The following CARM1 variants were observed in gnomAD, a reference collection of about 807,000 sequenced individuals.
CARM1 encodes the protein coactivator associated arginine methyltransferase 1.
CARM1 carries 14 observed loss-of-function variants against 72.7 expected under a neutral mutation model. The ratio of observed to expected loss-of-function variants is 0.19; its 90% CI spans 0.13 to 0.30. The LOEUF is 0.30. Ranked by LOEUF, CARM1 falls within the 10% of genes least tolerant of loss-of-function variation. The pLI is 1.00. For missense variants in CARM1, 432 were observed against 833.7 expected, an observed-to-expected ratio of 0.52 and a Z score of 5.93; for synonymous variants, 333 against 345.5, an observed-to-expected ratio of 0.96 and a Z score of 0.40.
chr19:10,911,300 C>A (rs1336294719), intron 4 of CARM1, among the ~76,000 whole-genome samples: 2 of 152,172 alleles, frequency 1.3e-5, no homozygotes, highest in Non-Finnish European at 2.9e-5. Context: ...TGGGTCACGC[C>A]CCCCTAGCAT....
At position 10,904,950 on chromosome 19, in the gene CARM1, G is replaced by A; in HGVS notation, c.221-1G>A. On this transcript the variant is annotated splice_acceptor_variant, in intron 1 of 15. Coordinates refer to ENST00000327064, the MANE Select transcript of CARM1 (RefSeq NM_199141.2). LOFTEE classifies it high-confidence loss of function. ...TCACGCCAGCCTGTCTTCTCTCGTA[G>A]ATGAAGATGTGTGTGTCTTTAAGTG... 6.2e-7 allele frequency: 1 copy of A among 1,614,094 alleles called. No homozygotes were observed. Among genetic ancestry groups the A allele is most frequent in the Non-Finnish European group, 8.5e-7 (1 of 1,179,948 alleles).
chr19:10,888,867 C>A (rs929186330), intron 1 of CARM1, among the ~76,000 whole-genome samples: 1 of 152,210 alleles, frequency 6.6e-6, no homozygotes, highest in Non-Finnish European at 1.5e-5. Flanking sequence ...TTGTCTTGGC[C>A]TTCTATTCTT....
chr19:10,890,487 C>G (rs576481652), intron 1 of CARM1, among the ~76,000 whole-genome samples: 247 of 151,408 alleles, frequency 1.6e-3, no homozygotes, highest in Non-Finnish European at 2.6e-3. Context: ...AGACTGGTTT[C>G]AAACTCCTGA....
At chr19:10,876,908 G>A (rs374247397) in intron 1 of CARM1, among the ~76,000 whole-genome samples, 129 of 152,388 alleles carry the variant, frequency 8.5e-4, no homozygotes, top group African/African-American at 2.8e-3. Context: ...GTCAGCACGA[G>A]TCAGTGTGGC....
intron 1 of CARM1, among the ~76,000 whole-genome samples, chr19:10,885,918 A>T (rs1234346552): frequency 1.5e-5 from 2 of 134,534 alleles, no homozygotes; most frequent in Non-Finnish European, 3.2e-5. Flanking sequence ...TTTTTTTGAG[A>T]CAGGGAGTGC....
At chr19:10,898,039 T>A (rs1475477784) in intron 1 of CARM1, among the ~76,000 whole-genome samples, 4 of 133,346 alleles carry the variant, frequency 3.0e-5, no homozygotes, top group Non-Finnish European at 4.8e-5. Flanking sequence ...CCCCAGGGAG[T>A]GGAGCCTGCA....
chr19:10,873,830 G>T (rs914847586), intron 1 of CARM1, among the ~76,000 whole-genome samples: 2 of 151,288 alleles, frequency 1.3e-5, no homozygotes, highest in African/African-American at 4.9e-5. Flanking sequence ...TAGTAGAGAC[G>T]GGGTTTCACC....
In CARM1 at chr19:10,896,011, A is replaced by AG. The variant is rs1390513638; in HGVS notation, c.221-8935dup. ...CAGCGAGGTTTGGCTGGAGTGACCC[A>AG]GGGGGCAGCAGTGAGACTGCAGACA... On this transcript the variant is annotated intron_variant, in intron 1 of 15. Transcript: ENST00000327064. This position sits in a 1 kb window ranked among gnomAD's most constrained non-coding sequence, Gnocchi z 5.2. 6.6e-6 allele frequency among the ~76,000 whole-genome samples: 1 copy of AG among 152,016 alleles called. No homozygotes were observed. Among genetic ancestry groups the AG allele is most frequent in the Admixed American group, 6.6e-5 (1 of 15,262 alleles).
chr19:10,872,606 G>A (rs1197820393), intron 1 of CARM1, among the ~76,000 whole-genome samples: 1 of 152,142 alleles, frequency 6.6e-6, no homozygotes, highest in Non-Finnish European at 1.5e-5. Context: ...AGAGCTAACA[G>A]CCTCCTCCCA....
At chr19:10,875,343 A>G (rs1292096047) in intron 1 of CARM1, among the ~76,000 whole-genome samples, 1 of 151,304 alleles carries the variant, frequency 6.6e-6, no homozygotes, top group Non-Finnish European at 1.5e-5. Context: ...TTTTTTTTTT[A>G]AAGTGAGATG....
intron 2 of CARM1, among the ~76,000 whole-genome samples, chr19:10,906,483 C>G (rs1336923471): frequency 1.3e-5 from 2 of 152,162 alleles, no homozygotes; most frequent in Admixed American, 1.3e-4. Context: ...GAGACGGAGT[C>G]TCGCTCTGTC....
chr19:10,878,549 C>CCCATGATCCTACCCACT (rs1286991481), intron 1 of CARM1, among the ~76,000 whole-genome samples: 2 of 152,162 alleles, frequency 1.3e-5, no homozygotes. Context: ...AATGAAAGAA[C>CCCATGATCCTACCCACT]TTGACTGGCC....
At chr19:10,873,307 A>T (rs999386825) in intron 1 of CARM1, among the ~76,000 whole-genome samples, 6 of 151,750 alleles carry the variant, frequency 4.0e-5, no homozygotes, top group African/African-American at 1.4e-4. Context: ...GTAAACCTTT[A>T]AAAAATTTTT....
chr19:10,879,823 C>T (rs999593274), intron 1 of CARM1, among the ~76,000 whole-genome samples: 1 of 152,142 alleles, frequency 6.6e-6, no homozygotes, highest in African/African-American at 2.4e-5. Context: ...CCCTTTTGGC[C>T]AGGCTGGTCT....
chr19:10,879,416 G>C (rs1265042388), intron 1 of CARM1, among the ~76,000 whole-genome samples: 1 of 152,198 alleles, frequency 6.6e-6, no homozygotes, highest in Non-Finnish European at 1.5e-5. Flanking sequence ...TGGACAAAGA[G>C]AGAACATACA....
At chr19:10,909,827 T>C (rs1406782266) in intron 4 of CARM1, among the ~76,000 whole-genome samples, 1 of 152,232 alleles carries the variant, frequency 6.6e-6, no homozygotes, top group Non-Finnish European at 1.5e-5. Context: ...CATTATAGGC[T>C]TGAGAGGCCT....
chr19:10,875,704 T>A (rs985240629), intron 1 of CARM1, among the ~76,000 whole-genome samples: 5 of 150,552 alleles, frequency 3.3e-5, no homozygotes, highest in Non-Finnish European at 5.9e-5. Flanking sequence ...GATTACAGGC[T>A]TGAGCCACCG....
chr19:10,903,618 T>C (rs2074082236), intron 1 of CARM1, among the ~76,000 whole-genome samples: 1 of 151,860 alleles, frequency 6.6e-6, no homozygotes, highest in Admixed American at 6.6e-5. Flanking sequence ...TAGAGTGCAG[T>C]GGCACCATCA....
intron 1 of CARM1, among the ~76,000 whole-genome samples, chr19:10,904,491 G>A (rs1201436027): frequency 6.6e-6 from 1 of 152,236 alleles, no homozygotes; most frequent in African/African-American, 2.4e-5. Flanking sequence ...TTCCAGAGAG[G>A]CTGAGGGACA....
Sources: gnomAD v4.1 joint callset for allele counts (sites outside exome capture counted in the v4.1 genomes callset) on GRCh38, gnomAD v4.1.1 for gene constraint, Gnocchi (gnomAD v3.1) non-coding constraint, MANE v1.5 for transcripts, NCBI Gene and HGNC (gene_info 2026-07-23, HGNC 2026-07-21) for gene names.